The following FOXP2 variants were observed in gnomAD, a reference collection of about 807,000 sequenced individuals.
FOXP2 encodes the protein forkhead box P2.
In FOXP2, 12 loss-of-function variants were observed where a neutral mutation model predicts 115.8. The ratio of observed to expected loss-of-function variants is 0.10; its 90% CI spans 0.07 to 0.17. The LOEUF (loss-of-function observed/expected upper bound fraction) is 0.17. Ranked by LOEUF, FOXP2 falls within the 10% of genes least tolerant of loss-of-function variation. The pLI, the probability that FOXP2 is intolerant of heterozygous loss-of-function variation, is 1.00. For missense variants in FOXP2, 629 were observed against 843.5 expected (o/e 0.75, Z 3.15); for synonymous variants, 328 against 297.7 (o/e 1.10, Z -1.05).
At chr7:114,397,488 T>C (rs1792773287) in intron 2 of FOXP2, among the ~76,000 whole-genome samples, 1 of 152,064 alleles carries the variant, frequency 6.6e-6, no homozygotes, top group Non-Finnish European at 1.5e-5. Context: ...ATACTGGGTT[T>C]TACAGGAAGG....
chr7:114,186,908 T>C (rs1345409213), intron 1 of FOXP2, among the ~76,000 whole-genome samples: 1 of 152,088 alleles, frequency 6.6e-6, no homozygotes, highest in Admixed American at 6.5e-5. Flanking sequence ...GTGCCAGAAT[T>C]TGGGGAGCAG....
intron 1 of FOXP2, among the ~76,000 whole-genome samples, chr7:114,214,916 G>A (rs557021703): frequency 6.6e-6 from 1 of 152,188 alleles, no homozygotes; most frequent in South Asian, 2.1e-4. Context: ...ATTTCTTTTG[G>A]TCTAAGCTAG....
At chr7:114,089,058 C>G (rs372725762) in intron 1 of FOXP2, among the ~76,000 whole-genome samples, 1 of 152,094 alleles carries the variant, frequency 6.6e-6, no homozygotes, top group African/African-American at 2.4e-5. Flanking sequence ...CCCCTTTTCT[C>G]TTGCCTGCTT....
At chr7:114,214,619 C>T (rs1794442519) in intron 1 of FOXP2, among the ~76,000 whole-genome samples, 1 of 152,116 alleles carries the variant, frequency 6.6e-6, no homozygotes. Flanking sequence ...GCTGATGTAC[C>T]TCAGGCTGGT....
chr7:114,121,356 T>C (rs1791559880), intron 1 of FOXP2, among the ~76,000 whole-genome samples: 1 of 151,992 alleles, frequency 6.6e-6, no homozygotes, highest in Non-Finnish European at 1.5e-5. Context: ...ACAGGGTAAA[T>C]GTATGTTGTT....
chr7:114,087,644 G>A (rs966176748), upstream of FOXP2: 2 of 146,954 alleles, frequency 1.4e-5, no homozygotes, highest in Admixed American at 1.4e-4. Flanking sequence ...CGGCGCCGGC[G>A]GCGCGGGCGG....
Position 114,366,325 on chromosome 7 carries a change from A to G in FOXP2, c.-10-60177A>G, listed in dbSNP as rs543874808. 1.0e-3 allele frequency among the ~76,000 whole-genome samples: 153 copies of G among 152,302 alleles called. 1 individual carries two copies. Among genetic ancestry groups the G allele is most frequent in the African/African-American group, 3.5e-3 (146 of 41,588 alleles). ...CTCATTAGAATACCTATGGGTACAA[A>G]TGTTATTTTCCCCTTGTGTGTTCTA... On this transcript the variant is annotated intron_variant, in intron 2 of 17. Coordinates refer to the FOXP2 transcript ENST00000634411.
At chr7:114,207,226 G>A (rs980301115) in intron 1 of FOXP2, among the ~76,000 whole-genome samples, 1 of 152,106 alleles carries the variant, frequency 6.6e-6, no homozygotes, top group Non-Finnish European at 1.5e-5. Flanking sequence ...GGACATTTAG[G>A]TTGTTTCCAC....
chr7:114,330,287 T>G (rs984700048), intron 2 of FOXP2, among the ~76,000 whole-genome samples: 1 of 151,978 alleles, frequency 6.6e-6, no homozygotes, highest in African/African-American at 2.4e-5. Flanking sequence ...AATTTCTGAC[T>G]TATGAGGCAT....
chr7:114,143,653 C>A (rs1198856548), intron 1 of FOXP2, among the ~76,000 whole-genome samples: 2 of 152,160 alleles, frequency 1.3e-5, no homozygotes, highest in African/African-American at 4.8e-5. Flanking sequence ...ATGTACAGTG[C>A]TAGCTTCTAA....
At chr7:114,443,156 A>G (rs924112057) in intron 2 of FOXP2, among the ~76,000 whole-genome samples, 5 of 152,210 alleles carry the variant, frequency 3.3e-5, no homozygotes, top group Non-Finnish European at 7.3e-5. Context: ...GTTTTCAAAT[A>G]AATCAGGCAT....
At chr7:114,571,825 T>C (rs1409015442) in intron 3 of FOXP2, among the ~76,000 whole-genome samples, 1 of 151,818 alleles carries the variant, frequency 6.6e-6, no homozygotes, top group Non-Finnish European at 1.5e-5. Context: ...TGGATTTTGG[T>C]ATCTATGTGT....
intron 2 of FOXP2, among the ~76,000 whole-genome samples, chr7:114,339,378 T>C (rs1791139645): frequency 6.6e-6 from 1 of 151,272 alleles, no homozygotes; most frequent in Admixed American, 6.6e-5. Context: ...ATCAGCAATA[T>C]AGTAATGAAT....
intron 2 of FOXP2, among the ~76,000 whole-genome samples, chr7:114,334,782 A>G (rs990454202): frequency 2.0e-5 from 3 of 151,266 alleles, no homozygotes; most frequent in Admixed American, 1.3e-4. Flanking sequence ...TACTTCATTT[A>G]TGAAGTGATA....
chr7:114,439,541 T>C (rs1344646362), intron 2 of FOXP2, among the ~76,000 whole-genome samples: 1 of 151,962 alleles, frequency 6.6e-6, no homozygotes, highest in South Asian at 2.1e-4. Flanking sequence ...AAGTGTAAAT[T>C]ATCTTATTTA....
At chr7:114,588,955 C>A (rs899848602) in intron 3 of FOXP2, among the ~76,000 whole-genome samples, 8 of 152,164 alleles carry the variant, frequency 5.3e-5, no homozygotes, top group Non-Finnish European at 1.2e-4. Flanking sequence ...TCGTCACCAT[C>A]AATTTTTGCT....
At chr7:114,380,350 T>A (rs928979665) in intron 2 of FOXP2, among the ~76,000 whole-genome samples, 1 of 152,224 alleles carries the variant, frequency 6.6e-6, no homozygotes, top group African/African-American at 2.4e-5. Flanking sequence ...AGTGCCCGAG[T>A]GAGGGCTATT....
chr7:114,399,139 G>A (rs1792814905), intron 2 of FOXP2, among the ~76,000 whole-genome samples: 1 of 145,674 alleles, frequency 6.9e-6, no homozygotes, highest in African/African-American at 2.5e-5. Flanking sequence ...GAGACAGAGA[G>A]TCCTGTTGCC....
At chr7:114,394,028 G>A (rs937872616) in intron 2 of FOXP2, among the ~76,000 whole-genome samples, 2 of 136,852 alleles carry the variant, frequency 1.5e-5, no homozygotes, top group Non-Finnish European at 3.2e-5. Flanking sequence ...GAGAGAGAGA[G>A]ATCCCTTTGC....
Sources: allele counts gnomAD v4.1 joint callset (sites outside exome capture counted in the v4.1 genomes callset), GRCh38; gene constraint gnomAD v4.1.1; transcripts MANE v1.5; gene names NCBI Gene and HGNC (gene_info 2026-07-23, HGNC 2026-07-21).